The following ESRRG variants were observed in gnomAD, a reference collection of about 807,000 sequenced individuals.
ESRRG encodes estrogen-related receptor gamma.
In ESRRG, 13 loss-of-function variants were observed where a neutral mutation model predicts 44.0. That is an observed-to-expected ratio of 0.30 (90% CI 0.19 to 0.47). ESRRG has a LOEUF of 0.47. Ranked by LOEUF, ESRRG falls within the 20% of genes least tolerant of loss-of-function variation. ESRRG has a pLI of 1.00. For synonymous variants in ESRRG, 215 were observed against 214.6 expected, an observed-to-expected ratio of 1.00 and a Z score of -0.02; for missense variants, 395 against 580.6, an observed-to-expected ratio of 0.68 and a Z score of 3.29.
chr1:216,821,687 G>GAAAAAAAA (rs1251334274), intron 2 of ESRRG, among the ~76,000 whole-genome samples: 22 of 54,232 alleles, frequency 4.1e-4, no homozygotes, highest in African/African-American at 1.4e-3. Context: ...CCTGCCTCAG[G>GAAAAAAAA]AAAAATAAAT....
intron 2 of ESRRG, among the ~76,000 whole-genome samples, chr1:216,809,050 G>A (rs1221235731): frequency 2.6e-5 from 4 of 152,032 alleles, no homozygotes; most frequent in Non-Finnish European, 4.4e-5. Context: ...ATGTACTTTC[G>A]TACAGGGTGC....
intron 1 of ESRRG, among the ~76,000 whole-genome samples, chr1:216,984,133 C>A (rs938567136): frequency 6.6e-6 from 1 of 152,186 alleles, no homozygotes; most frequent in East Asian, 1.9e-4. Flanking sequence ...AGAATTCAAG[C>A]AAATCTTGTG....
At chr1:217,000,599 C>T (rs1484487739) in intron 1 of ESRRG, 1 of 152,220 alleles carries the variant, frequency 6.6e-6, no homozygotes, top group Non-Finnish European at 1.5e-5. Flanking sequence ...TTTGGGGATA[C>T]ACAATTCAAC....
At chr1:217,136,995 T>G (rs943882260) in intron 1 of ESRRG, among the ~76,000 whole-genome samples, 1 of 152,108 alleles carries the variant, frequency 6.6e-6, no homozygotes, top group African/African-American at 2.4e-5. Context: ...CTTTGGACGT[T>G]CTCTGCCTCA....
intron 2 of ESRRG, among the ~76,000 whole-genome samples, chr1:216,868,150 C>T (rs1463580205): frequency 3.1e-5 from 4 of 130,002 alleles, no homozygotes; most frequent in African/African-American, 1.2e-4. Context: ...TGGAATGGAG[C>T]GATCTGGGCT....
intron 2 of ESRRG, among the ~76,000 whole-genome samples, chr1:216,779,127 T>C (rs1339664268): frequency 8.2e-6 from 1 of 122,234 alleles, no homozygotes. Flanking sequence ...TAATTATATA[T>C]GTAAATATAA....
intron 2 of ESRRG, among the ~76,000 whole-genome samples, chr1:216,881,363 C>G (rs904719058): frequency 1.3e-5 from 2 of 152,118 alleles, no homozygotes; most frequent in Admixed American, 6.5e-5. Flanking sequence ...GCATCAATAA[C>G]AATGGAAAGT....
intron 1 of ESRRG, among the ~76,000 whole-genome samples, chr1:217,062,428 G>A (rs1238786018): frequency 6.6e-6 from 1 of 152,100 alleles, no homozygotes; most frequent in Non-Finnish European, 1.5e-5. Flanking sequence ...ACAGGGCACT[G>A]TATTCAATTT....
At chr1:216,840,939 C>T (rs61817890) in intron 2 of ESRRG, among the ~76,000 whole-genome samples, 3,700 of 152,104 alleles carry the variant, frequency 0.024, 66 homozygotes, top group Middle Eastern at 0.058. Context: ...TGAAATACAG[C>T]AGAATACTGC....
At chr1:217,113,099 A>AAAATG (rs1378375347) in intron 1 of ESRRG, among the ~76,000 whole-genome samples, 2 of 152,228 alleles carry the variant, frequency 1.3e-5, no homozygotes, top group South Asian at 2.1e-4. Context: ...GAGAAAATAC[A>AAAATG]AAATGAAAAG....
At chr1:217,021,860 C>A (rs2080378416) in intron 1 of ESRRG, among the ~76,000 whole-genome samples, 1 of 152,198 alleles carries the variant, frequency 6.6e-6, no homozygotes, top group Admixed American at 6.5e-5. Context: ...GCCCTGTCTT[C>A]TAAGTGAGGG....
intron 5 of ESRRG, among the ~76,000 whole-genome samples, chr1:216,553,649 T>C (rs898898540): frequency 6.6e-6 from 1 of 152,168 alleles, no homozygotes. Flanking sequence ...GGTTTATTCA[T>C]TATATTTCTC....
At chr1:216,912,140 G>GAA (rs1162733085) in intron 2 of ESRRG, among the ~76,000 whole-genome samples, 1 of 27,006 alleles carries the variant, frequency 3.7e-5, no homozygotes, top group Non-Finnish European at 6.3e-5. Flanking sequence ...GAAAAGAAAA[G>GAA]AAAAGAAAAG....
chr1:216,879,503 A>G (rs1254813285), intron 2 of ESRRG, among the ~76,000 whole-genome samples: 10 of 151,196 alleles, frequency 6.6e-5, no homozygotes, highest in East Asian at 3.9e-4. Context: ...AAAAAAAAAA[A>G]AAGAAGAAGA....
Position 216,509,263 on chromosome 1 carries a change from T to G in ESRRG, c.1133-2080A>C, listed in dbSNP as rs542250501. ...TCTAAACACATCCTATTCAAACTCC[T>G]ATCTTCATCAGCTGTCTTCTTTACA... On this transcript the variant is annotated intron_variant, in intron 6 of 6. Coordinates refer to ENST00000408911, the MANE Select transcript of ESRRG (RefSeq NM_001438.4). Among the ~76,000 whole-genome samples the G allele has an allele frequency of 2.6e-5, 4 of 152,344 alleles. No individual in the cohort carries two copies. The South Asian group carries it at 8.3e-4, about 32-fold the overall frequency.
chr1:217,063,401 C>T (rs1450000595), intron 1 of ESRRG, among the ~76,000 whole-genome samples: 2 of 152,136 alleles, frequency 1.3e-5, no homozygotes, highest in African/African-American at 2.4e-5. Flanking sequence ...AGTGTGGAGA[C>T]AGTTGGTACG....
chr1:216,824,052 G>A (rs952078538), intron 2 of ESRRG, among the ~76,000 whole-genome samples: 3 of 152,130 alleles, frequency 2.0e-5, no homozygotes, highest in Non-Finnish European at 4.4e-5. Context: ...ATGAAGCAAA[G>A]TCCAGAAAAT....
intron 1 of ESRRG, among the ~76,000 whole-genome samples, chr1:217,116,299 G>T: frequency 6.6e-6 from 1 of 152,154 alleles, no homozygotes; most frequent in Non-Finnish European, 1.5e-5. Context: ...TCACTGGCAA[G>T]TTCCCAAACA....
intron 1 of ESRRG, among the ~76,000 whole-genome samples, chr1:216,982,874 C>A (rs570780910): frequency 2.8e-4 from 42 of 152,198 alleles, no homozygotes; most frequent in African/African-American, 9.6e-4. Context: ...ATTGCTGATG[C>A]CTAGGTCACA....
Sources: allele counts gnomAD v4.1 joint callset (sites outside exome capture counted in the v4.1 genomes callset), GRCh38; gene constraint gnomAD v4.1.1; transcripts MANE v1.5; gene names NCBI Gene and HGNC (gene_info 2026-07-23, HGNC 2026-07-21).